The following XKR4 variants were observed in gnomAD, a reference collection of about 807,000 sequenced individuals.
XKR4 encodes XK-related protein 4.
XKR4 carries 12 observed loss-of-function variants against 53.9 expected under a neutral mutation model. The ratio of observed to expected loss-of-function variants is 0.22; its 90% CI spans 0.14 to 0.36. XKR4 has a LOEUF of 0.36. Ranked by LOEUF, XKR4 falls within the 10% of genes least tolerant of loss-of-function variation. XKR4 has a pLI of 1.00. For missense variants in XKR4, 799 were observed against 859.5 expected, an observed-to-expected ratio of 0.93 and a Z score of 0.88; for synonymous variants, 354 against 362.4, an observed-to-expected ratio of 0.98 and a Z score of 0.26.
intron 1 of XKR4, among the ~76,000 whole-genome samples, chr8:55,233,082 C>T (rs182466941): frequency 1.8e-4 from 27 of 152,322 alleles, no homozygotes; most frequent in Admixed American, 5.9e-4. Context: ...GGTCACTTTA[C>T]ACTCTGTGTT....
At chr8:55,440,521 A>G (rs1429043549) in intron 2 of XKR4, among the ~76,000 whole-genome samples, 1 of 152,162 alleles carries the variant, frequency 6.6e-6, no homozygotes, top group Non-Finnish European at 1.5e-5. Context: ...TTTAGACCTT[A>G]GGTTAAATAT....
At chr8:55,452,037 G>GT in intron 2 of XKR4, 1 of 741,334 alleles carries the variant, frequency 1.3e-6, no homozygotes, top group African/African-American at 1.7e-5. Context: ...CCAGGACAGG[G>GT]TTCTGAGGGA....
intron 1 of XKR4, among the ~76,000 whole-genome samples, chr8:55,294,076 T>C (rs766485369): frequency 1.9e-4 from 29 of 152,216 alleles, no homozygotes; most frequent in Non-Finnish European, 3.7e-4. Flanking sequence ...TTCAAAGCCT[T>C]CTATCAACTT....
chr8:55,225,836 C>G (rs77267533), intron 1 of XKR4, among the ~76,000 whole-genome samples: 7,461 of 152,262 alleles, frequency 0.049, 479 homozygotes, highest in African/African-American at 0.14. Context: ...ATAAAATGTA[C>G]TATTATAATG....
chr8:55,496,142 A>G (rs542717129), intron 2 of XKR4, among the ~76,000 whole-genome samples: 1 of 152,332 alleles, frequency 6.6e-6, no homozygotes, highest in East Asian at 1.9e-4. Flanking sequence ...TATGTTAAGT[A>G]ATAGTAATGA....
At chr8:55,103,861 A>G (rs868507790) in intron 1 of XKR4, among the ~76,000 whole-genome samples, 3,646 of 114,562 alleles carry the variant, frequency 0.032, 117 homozygotes, top group Non-Finnish European at 0.041. Context: ...GTATATATAT[A>G]TATATATATA....
chr8:55,253,391 C>CT (rs748180239), intron 1 of XKR4, among the ~76,000 whole-genome samples: 3 of 152,060 alleles, frequency 2.0e-5, no homozygotes, highest in African/African-American at 7.2e-5. Flanking sequence ...GGAAGCCACA[C>CT]TTTTTTTTGT....
intron 1 of XKR4, among the ~76,000 whole-genome samples, chr8:55,146,059 C>T (rs1019929211): frequency 3.3e-5 from 5 of 152,196 alleles, no homozygotes; most frequent in Admixed American, 2.0e-4. Context: ...TATGAAATGA[C>T]ATTGTAACCT....
intron 2 of XKR4, among the ~76,000 whole-genome samples, chr8:55,502,585 G>A (rs1296922097): frequency 6.8e-6 from 1 of 147,726 alleles, no homozygotes; most frequent in African/African-American, 2.6e-5. Flanking sequence ...ATTTTGGGGT[G>A]GGGAGGTTGT....
At chr8:55,340,597 C>G (rs1360971561) in intron 1 of XKR4, among the ~76,000 whole-genome samples, 2 of 152,214 alleles carry the variant, frequency 1.3e-5, no homozygotes, top group Non-Finnish European at 2.9e-5. Flanking sequence ...CAGGATCCTT[C>G]CCAGCGCAGT....
At chr8:55,512,916 C>T (rs1325336680) in intron 2 of XKR4, among the ~76,000 whole-genome samples, 1 of 152,172 alleles carries the variant, frequency 6.6e-6, no homozygotes, top group Non-Finnish European at 1.5e-5. Context: ...GCTCTCCTAC[C>T]AGAAAAGGGC....
At position 55,102,319 on chromosome 8, in the gene XKR4, G is replaced by C. The variant is rs889208518; in HGVS notation, c.-170G>C. ...GCTAGCCCGGCCCAGCGCCCAGCCC[G>C]GCGGGCGGCGGGCGGCGGCGGACGG... On this transcript the variant is annotated 5_prime_UTR_variant, in exon 1 of 3. Transcript: ENST00000327381. The surrounding 1 kb of genome is among the most constrained non-coding windows in gnomAD (Gnocchi z 5.1). 4 of 936,404 alleles carry C rather than the reference G, an allele frequency of 4.3e-6. No individual in the cohort carries two copies. Among genetic ancestry groups the C allele is most frequent in the Non-Finnish European group, 3.9e-6 (3 of 770,224 alleles). 58.0% of individuals were successfully genotyped at this position (936,404 alleles called of 1,614,324 possible). A position where few individuals can be genotyped will look rare whatever the true frequency, so the allele number is the denominator to read the frequency against.
At chr8:55,183,185 T>C (rs1817336966) in intron 1 of XKR4, among the ~76,000 whole-genome samples, 1 of 151,808 alleles carries the variant, frequency 6.6e-6, no homozygotes, top group African/African-American at 2.4e-5. Context: ...CTTCATAGAT[T>C]TAAAAATACA....
intron 2 of XKR4, among the ~76,000 whole-genome samples, chr8:55,438,186 G>A (rs558087094): frequency 9.5e-4 from 144 of 152,164 alleles, no homozygotes; most frequent in Non-Finnish European, 1.3e-3. Flanking sequence ...TCAATTCAAA[G>A]GGGAACACCT....
At chr8:55,341,230 C>T (rs1203190234) in intron 1 of XKR4, among the ~76,000 whole-genome samples, 1 of 152,144 alleles carries the variant, frequency 6.6e-6, no homozygotes, top group Non-Finnish European at 1.5e-5. Flanking sequence ...CCTTTGTGGG[C>T]AGCTGGGACC....
intron 1 of XKR4, among the ~76,000 whole-genome samples, chr8:55,330,855 G>T (rs1803373600): frequency 6.6e-6 from 1 of 152,108 alleles, no homozygotes; most frequent in Non-Finnish European, 1.5e-5. Context: ...CTGCAGTATT[G>T]GCTCACATGT....
intron 1 of XKR4, among the ~76,000 whole-genome samples, chr8:55,106,537 C>A (rs1816152444): frequency 6.6e-6 from 1 of 152,028 alleles, no homozygotes; most frequent in Non-Finnish European, 1.5e-5. Flanking sequence ...TCATATGATT[C>A]CAGAAATTAC....
intron 1 of XKR4, among the ~76,000 whole-genome samples, chr8:55,181,456 T>C (rs1817309768): frequency 6.6e-6 from 1 of 152,210 alleles, no homozygotes; most frequent in Non-Finnish European, 1.5e-5. Context: ...CTCCTTCCTT[T>C]CATCCTTCCA....
Position 55,103,123 on chromosome 8 carries a change from C to T in XKR4, c.635C>T (p.Pro212Leu). 6.2e-7 allele frequency: 1 copy of T among 1,613,640 alleles called. No homozygotes were observed. The highest frequency in any genetic ancestry group is 1.1e-5 in the South Asian group (1 of 91,082). Residue 212 changes from proline to leucine, a missense_variant, in exon 1 of 3, where the codon CCG (proline) becomes CTG (leucine). Physicochemically the swap from Pro to Leu is moderately conservative, Grantham distance 98 (BLOSUM62 -3). Around this residue, in one of 3 missense-constraint regions of XKR4, gnomAD observed 476 missense variants for 505.4 expected, o/e 0.94. Coordinates refer to ENST00000327381, the MANE Select transcript of XKR4 (RefSeq NM_052898.2). ...GAAGGCGAGGCTCGTCCTTCCACGCCGCAAAGGCAAGCATCTAACGCCAGC... is the reference window on the plus strand; with the variant it reads ...GAAGGCGAGGCTCGTCCTTCCACGCTGCAAAGGCAAGCATCTAACGCCAGC... Reference protein sequence around the residue: ...AGEGEARPSTPQRQASNASKS... With the variant: ...AGEGEARPSTLQRQASNASKS...
Sources: gnomAD v4.1 joint callset for allele counts (sites outside exome capture counted in the v4.1 genomes callset) on GRCh38, gnomAD v4.1.1 for gene constraint, gnomAD v4.1.1 regional missense constraint, Gnocchi (gnomAD v3.1) non-coding constraint, MANE v1.5 for transcripts, NCBI Gene and HGNC (gene_info 2026-07-23, HGNC 2026-07-21) for gene names.